The following EPC1 variants were observed in gnomAD, a reference collection of about 807,000 sequenced individuals.
EPC1 encodes enhancer of polycomb 1.
EPC1 carries 12 observed loss-of-function variants against 98.4 expected under a neutral mutation model. The ratio of observed to expected loss-of-function variants is 0.12; its 90% CI spans 0.08 to 0.20. The LOEUF (loss-of-function observed/expected upper bound fraction) is 0.20, where lower values mean the gene tolerates loss of function less well. EPC1 is among the 10% of genes least tolerant of loss of function. The pLI is 1.00. For synonymous variants in EPC1, 357 were observed against 363.9 expected (o/e 0.98, Z 0.21); for missense variants, 729 against 990.5 (o/e 0.74, Z 3.54).
rs1834984952 is a variant in EPC1 at position 32,293,792 on chromosome 10, T to C, written c.314-55A>G. The C allele has an allele frequency of 2.0e-6, 3 of 1,476,770 alleles. No homozygotes were observed. In the South Asian group the frequency reaches 4.1e-5, roughly 20 times the overall value. The allele number at this position is 1,476,770 out of a possible 1,614,324, so 91.5% of individuals were successfully genotyped here. A position where few individuals can be genotyped will look rare whatever the true frequency, so the allele number is the denominator to read the frequency against. On this transcript the variant is annotated intron_variant, in intron 2 of 13. Coordinates refer to ENST00000319778, the MANE Select transcript of EPC1 (RefSeq NM_001272004.3). ...ACTGTGTGAATTCACCGACAAAAAC[T>C]CCACAGATGTCTGCATAAAAACAAG... is the stretch of plus-strand genomic sequence containing the variant.
intron 1 of EPC1, among the ~76,000 whole-genome samples, chr10:32,374,668 A>AT (rs893016860): frequency 4.0e-5 from 6 of 151,834 alleles, no homozygotes; most frequent in Admixed American, 1.3e-4. Flanking sequence ...TTAAAAAAAT[A>AT]TTTTTTTTCT....
chr10:32,345,526 A>C (rs1838711713), intron 1 of EPC1: 1 of 985,388 alleles, frequency 1.0e-6, no homozygotes, highest in South Asian at 4.7e-5. Context: ...ACTTCCTTGA[A>C]CTGTCAATAC....
In EPC1 at chr10:32,291,338, T is replaced by C. The variant is rs771783510; in HGVS notation, c.816-16A>G. On this transcript the variant is annotated splice_polypyrimidine_tract_variant and intron_variant, in intron 5 of 13. Transcript: ENST00000319778. The stretch of plus-strand genomic sequence containing the variant: ...CAAATTATACCTAAAATTATACAAA[T>C]GAAAGTTTAAAATTATATATATTTA... 4.4e-6 allele frequency: 7 copies of C among 1,585,416 alleles called. No individual in the cohort carries two copies. The East Asian group carries it at 1.3e-4, about 30-fold the overall frequency.
intron 1 of EPC1, among the ~76,000 whole-genome samples, chr10:32,328,762 G>C (rs1837457925): frequency 6.6e-6 from 1 of 152,118 alleles, no homozygotes; most frequent in South Asian, 2.1e-4. Context: ...GGTGGGATGG[G>C]GACTGCAGTG....
intron 1 of EPC1, among the ~76,000 whole-genome samples, chr10:32,315,779 G>A (rs975201127): frequency 9.2e-5 from 14 of 152,244 alleles, no homozygotes; most frequent in African/African-American, 1.4e-4. Context: ...TCCCTGACTC[G>A]TTATAATCGC....
intron 10 of EPC1, 22 bp downstream of exon 10, chr10:32,284,676 A>G (rs1836576370): frequency 6.4e-7 from 1 of 1,558,500 alleles, no homozygotes; most frequent in Admixed American, 1.7e-5. Flanking sequence ...ATAGAAACGT[A>G]CATCATTAAC....
In EPC1 at chr10:32,347,094, C is replaced by T. The variant is rs919325940; in HGVS notation, c.-179G>A. 6 of 1,442,686 alleles carry T rather than the reference C, an allele frequency of 4.2e-6. No homozygotes were observed. Among genetic ancestry groups the T allele is most frequent in the Non-Finnish European group, 5.4e-6 (6 of 1,104,486 alleles). 89.4% of individuals were successfully genotyped at this position (1,442,686 alleles called of 1,614,324 possible). ...GAGGGTGGGAGGCTGTGCCGCTCCGCTCCTCTCTCGCTCGCTCTCTTCAAT... is the reference window on the plus strand; with the variant it reads ...GAGGGTGGGAGGCTGTGCCGCTCCGTTCCTCTCTCGCTCGCTCTCTTCAAT... On this transcript the variant is annotated 5_prime_UTR_variant, in exon 1 of 14. Transcript: ENST00000319778.
chr10:32,290,483 CAAAAAAAAAA>C (rs57193296), intron 6 of EPC1, among the ~76,000 whole-genome samples: 10 of 40,154 alleles, frequency 2.5e-4, no homozygotes, highest in Admixed American at 6.0e-4. Flanking sequence ...AAGACTCTGT[CAAAAAAAAAA>C]AAAAAAAAAA....
intron 2 of EPC1, among the ~76,000 whole-genome samples, chr10:32,295,824 G>C (rs1449022907): frequency 1.3e-5 from 2 of 152,016 alleles, no homozygotes; most frequent in Non-Finnish European, 2.9e-5. Flanking sequence ...ACAGATTACA[G>C]AACATTTCCA....
At chr10:32,314,176 C>T (rs947892618) in intron 1 of EPC1, among the ~76,000 whole-genome samples, 1 of 151,902 alleles carries the variant, frequency 6.6e-6, no homozygotes, top group Non-Finnish European at 1.5e-5. Flanking sequence ...TGCAATCTTA[C>T]AAAAATGGAA....
intron 1 of EPC1, among the ~76,000 whole-genome samples, chr10:32,311,016 C>A (rs764628311): frequency 6.6e-6 from 1 of 152,030 alleles, no homozygotes; most frequent in South Asian, 2.1e-4. Flanking sequence ...ATTTAAAGAA[C>A]AGGAAAAAAA....
intron 1 of EPC1, among the ~76,000 whole-genome samples, chr10:32,376,866 C>A (rs1323460254): frequency 6.6e-6 from 1 of 151,896 alleles, no homozygotes; most frequent in Non-Finnish European, 1.5e-5. Flanking sequence ...TTTTATGTGA[C>A]CAAAAAAAAT....
chr10:32,310,692 G>A (rs1044969249), intron 1 of EPC1, among the ~76,000 whole-genome samples: 4 of 152,130 alleles, frequency 2.6e-5, no homozygotes, highest in African/African-American at 9.7e-5. Flanking sequence ...TGGCTAACAT[G>A]GTAAAACCCT....
At chr10:32,279,347 TAAA>T (rs397972135) in intron 10 of EPC1, among the ~76,000 whole-genome samples, 8 of 130,334 alleles carry the variant, frequency 6.1e-5, no homozygotes, top group Admixed American at 7.8e-5. Flanking sequence ...GACTCTGTCT[TAAA>T]AAAAAAAAAA....
At chr10:32,311,117 T>C (rs1033140709) in intron 1 of EPC1, among the ~76,000 whole-genome samples, 1 of 152,160 alleles carries the variant, frequency 6.6e-6, no homozygotes, top group African/African-American at 2.4e-5. Context: ...GAGACCATCC[T>C]GGCTAACACG....
At chr10:32,300,146 T>C (rs1347795187) in intron 2 of EPC1, among the ~76,000 whole-genome samples, 1 of 151,866 alleles carries the variant, frequency 6.6e-6, no homozygotes, top group Non-Finnish European at 1.5e-5. Context: ...CTCCTGACCT[T>C]GTGAATTTGC....
At chr10:32,349,096 C>T (rs533159416), upstream of EPC1, among the ~76,000 whole-genome samples, 77 of 152,312 alleles carry the variant, frequency 5.1e-4, no homozygotes, top group African/African-American at 1.8e-3. Context: ...ACCTGTTTAG[C>T]CAGGTTTAAC....
intron 1 of EPC1, among the ~76,000 whole-genome samples, chr10:32,310,084 A>G (rs1836118936): frequency 6.6e-6 from 1 of 152,072 alleles, no homozygotes; most frequent in African/African-American, 2.4e-5. Flanking sequence ...AGTTTCAGCT[A>G]CTCAGGAGGC....
intron 1 of EPC1, among the ~76,000 whole-genome samples, chr10:32,375,155 G>C (rs1839845707): frequency 1.3e-5 from 2 of 152,032 alleles, no homozygotes; most frequent in African/African-American, 2.4e-5. Context: ...AAATAACAGA[G>C]GTAAATATGC....
Sources: gnomAD v4.1 joint callset for allele counts (sites outside exome capture counted in the v4.1 genomes callset) on GRCh38, gnomAD v4.1.1 for gene constraint, MANE v1.5 for transcripts, NCBI Gene and HGNC (gene_info 2026-07-23, HGNC 2026-07-21) for gene names.